The following ASIC2 variants were observed in gnomAD, a reference collection of about 807,000 sequenced individuals.
The protein encoded by ASIC2 is acid-sensing ion channel 2.
ASIC2 carries 25 observed loss-of-function variants against 57.3 expected under a neutral mutation model. The ratio of observed to expected loss-of-function variants is 0.44; its 90% CI spans 0.32 to 0.61. ASIC2 has a LOEUF of 0.61. Ranked by LOEUF, ASIC2 falls within the 20% of genes least tolerant of loss-of-function variation. The pLI is 0.06. For synonymous variants in ASIC2, 319 were observed against 307.5 expected (o/e 1.04, Z -0.39); for missense variants, 641 against 738.1 (o/e 0.87, Z 1.52).
In ASIC2 at chr17:33,248,996, T is replaced by A. The variant is rs77445207; in HGVS notation, c.708+42412A>T. 4.6e-4 allele frequency among the ~76,000 whole-genome samples: 70 copies of A among 152,314 alleles called. 1 individual carries two copies. The East Asian group carries it at 8.5e-3, about 18-fold the overall frequency. ...GATGTAGAAAGTCCTGCTAGGGGGC[T>A]TCTGGAGTCATCCAGGTAATGCATA... On this transcript the variant is annotated intron_variant, in intron 1 of 9. Coordinates refer to ENST00000225823, the MANE Select transcript of ASIC2 (RefSeq NM_183377.2).
chr17:33,019,829 G>T (rs1230588316), intron 7 of ASIC2, among the ~76,000 whole-genome samples: 2 of 151,982 alleles, frequency 1.3e-5, no homozygotes, highest in African/African-American at 2.4e-5. Flanking sequence ...GTGAAAGAGA[G>T]GGATCTGTGT....
chr17:33,261,367 T>C (rs2142145111), intron 1 of ASIC2, among the ~76,000 whole-genome samples: 1 of 152,332 alleles, frequency 6.6e-6, no homozygotes, highest in East Asian at 1.9e-4. Context: ...TTTTCTGAGC[T>C]GCTATGTGTC....
intron 1 of ASIC2, among the ~76,000 whole-genome samples, chr17:33,647,257 G>A (rs1448609817): frequency 1.3e-5 from 2 of 152,176 alleles, no homozygotes; most frequent in Non-Finnish European, 2.9e-5. Context: ...AAAAGTGGTA[G>A]CGTATGTCAA....
intron 1 of ASIC2, among the ~76,000 whole-genome samples, chr17:33,582,053 C>T (rs1292789244): frequency 1.3e-5 from 2 of 152,150 alleles, no homozygotes; most frequent in Admixed American, 1.3e-4. Context: ...GCCTCCAGAC[C>T]CTTATTCTCC....
intron 1 of ASIC2, among the ~76,000 whole-genome samples, chr17:33,937,569 T>A (rs891138386): frequency 6.6e-6 from 1 of 152,196 alleles, no homozygotes; most frequent in African/African-American, 2.4e-5. Context: ...AGAGTACTCC[T>A]TAAGTGGGTA....
At chr17:33,398,923 T>G (rs1379998214) in intron 1 of ASIC2, among the ~76,000 whole-genome samples, 1 of 152,196 alleles carries the variant, frequency 6.6e-6, no homozygotes, top group Non-Finnish European at 1.5e-5. Context: ...GGCCTTGTTT[T>G]CCTCTTTTCT....
chr17:33,506,267 G>T (rs1298097309), intron 1 of ASIC2, among the ~76,000 whole-genome samples: 1 of 150,536 alleles, frequency 6.6e-6, no homozygotes, highest in Non-Finnish European at 1.5e-5. Context: ...GAAAAAATTA[G>T]CTGGGTGTGG....
intron 1 of ASIC2, among the ~76,000 whole-genome samples, chr17:33,481,485 C>T (rs1307077834): frequency 6.6e-6 from 1 of 151,142 alleles, no homozygotes; most frequent in Non-Finnish European, 1.5e-5. Context: ...TGTTTCCTCC[C>T]TCTGTGGGGA....
intron 1 of ASIC2, among the ~76,000 whole-genome samples, chr17:33,940,494 A>G (rs1479586550): frequency 6.6e-6 from 1 of 152,126 alleles, no homozygotes; most frequent in Non-Finnish European, 1.5e-5. Flanking sequence ...TGAGTGATAC[A>G]TAACCCCCTC....
intron 1 of ASIC2, among the ~76,000 whole-genome samples, chr17:33,486,532 A>G (rs999913238): frequency 3.3e-5 from 5 of 152,320 alleles, no homozygotes; most frequent in Admixed American, 1.3e-4. Context: ...CCTGGCTCCA[A>G]TGGTCAAGAG....
intron 2 of ASIC2, among the ~76,000 whole-genome samples, chr17:33,102,392 C>G (rs1162835892): frequency 6.6e-6 from 1 of 152,204 alleles, no homozygotes; most frequent in Non-Finnish European, 1.5e-5. Flanking sequence ...TCTCCAGAAA[C>G]TTTAAAGATT....
At chr17:33,439,287 T>C (rs1167624860) in intron 1 of ASIC2, among the ~76,000 whole-genome samples, 3 of 152,214 alleles carry the variant, frequency 2.0e-5, no homozygotes, top group Admixed American at 6.5e-5. Context: ...TCAAAGAAGA[T>C]AGTCTTAAAC....
At chr17:33,820,186 G>T (rs925210002) in intron 1 of ASIC2, among the ~76,000 whole-genome samples, 1 of 151,986 alleles carries the variant, frequency 6.6e-6, no homozygotes, top group African/African-American at 2.4e-5. Flanking sequence ...AGTCTTACTA[G>T]GTTCAGTTAT....
intron 1 of ASIC2, among the ~76,000 whole-genome samples, chr17:33,393,914 C>T (rs1393467685): frequency 3.9e-5 from 6 of 152,184 alleles, no homozygotes. Flanking sequence ...AATTTAAACT[C>T]CAACACTTCT....
rs559680928 is a variant in ASIC2, at chr17:33,201,697, A to G, written c.709-89630T>C. 6.6e-5 allele frequency among the ~76,000 whole-genome samples: 10 copies of G among 152,284 alleles called. No homozygotes were observed. The South Asian group carries it at 2.1e-3, about 32-fold the overall frequency. On this transcript the variant is annotated intron_variant, in intron 1 of 9. Transcript: ENST00000225823. ...GTAGCCCTGCTCGGTAAGGAGCAGT[A>G]TATCTGCTGCTGCTGCTCTATGTGG...
At chr17:33,202,017 C>CAAAAAAAAAAAAAAAAA (rs55724157) in intron 1 of ASIC2, among the ~76,000 whole-genome samples, 11 of 92,262 alleles carry the variant, frequency 1.2e-4, no homozygotes, top group Admixed American at 2.2e-4. Flanking sequence ...GAGACTGTCT[C>CAAAAAAAAAAAAAAAAA]AAAAAAAAAA....
At position 33,625,313 on chromosome 17, in the gene ASIC2, C is replaced by T. The variant is rs543830113; in HGVS notation, c.556-513246G>A. On this transcript the variant is annotated intron_variant, in intron 1 of 9. Transcript: ENST00000359872. ...CATGTTGTAAAGATGTTCAGGCAGC[C>T]TATAAAGAGGACTACATTGAAAGCT... Among the ~76,000 whole-genome samples the T allele has an allele frequency of 2.6e-5, 4 of 152,226 alleles. No homozygotes were observed. The South Asian group carries it at 8.3e-4, about 32-fold the overall frequency.
chr17:33,625,129 G>GTCTGTCTATCTATCTA (rs1555548113), intron 1 of ASIC2, among the ~76,000 whole-genome samples: 560 of 146,440 alleles, frequency 3.8e-3, no homozygotes, highest in African/African-American at 6.9e-3. Context: ...TGGCCTCTCT[G>GTCTGTCTATCTATCTA]TCTATCTATC....
chr17:33,765,895 C>A (rs551097911), intron 1 of ASIC2, among the ~76,000 whole-genome samples: 61 of 152,188 alleles, frequency 4.0e-4, no homozygotes, highest in Non-Finnish European at 7.1e-4. Context: ...GCAATGTATT[C>A]CCCATGCAGT....
Sources: gnomAD v4.1 joint callset for allele counts (sites outside exome capture counted in the v4.1 genomes callset) on GRCh38, gnomAD v4.1.1 for gene constraint, MANE v1.5 for transcripts, NCBI Gene and HGNC (gene_info 2026-07-23, HGNC 2026-07-21) for gene names.